CHEK2: variants seen among roughly 807,000 people sequenced by gnomAD.
The protein encoded by CHEK2 is serine/threonine-protein kinase Chk2.
In CHEK2, 71 loss-of-function variants were observed where a neutral mutation model predicts 69.1. That is an observed-to-expected ratio of 1.03 (90% CI 0.85 to 1.25). The LOEUF is 1.25. Among genes scored for constraint, CHEK2 ranks in the 50% most tolerant of loss-of-function variants. The pLI, the probability that CHEK2 is intolerant of heterozygous loss-of-function variation, is 0.00. For synonymous variants in CHEK2, 189 were observed against 226.9 expected (o/e 0.83, Z 1.50); for missense variants, 664 against 649.6 (o/e 1.02, Z -0.24).
chr22:28,712,065 G>A, intron 5 of CHEK2, 48 bp from the exon 6 acceptor site: 1 of 1,295,500 alleles, frequency 7.7e-7, no homozygotes, highest in Non-Finnish European at 1.1e-6. Flanking sequence ...TTTTAATTAT[G>A]AGACCTACCA....
intron 4 of CHEK2, among the ~76,000 whole-genome samples, chr22:28,722,030 T>G (rs1243712608): frequency 1.3e-5 from 2 of 152,080 alleles, no homozygotes; most frequent in Non-Finnish European, 2.9e-5. Context: ...CACGCCAGCC[T>G]ATAATTTTTA....
rs2054329987 is a variant in CHEK2 at position 28,734,613 on chromosome 22, C to A, written c.109G>T (p.Gly37Cys). ...GTGCTGGTAGAGGAGCTGGATATGC[C>A]CTGGGACTGTGAGGAGGAGCCTTGG... Reference protein sequence around the residue: ...QSQGSSSQSQGISSSSTSTMP... With the variant: ...QSQGSSSQSQCISSSSTSTMP... The change falls in exon 2 of 15, where the codon GGC becomes TGC. Residue 37 changes from glycine (G) to cysteine (C), a missense_variant. Gly to Cys is a radical substitution (Grantham distance 159). Transcript: ENST00000404276. The A allele has an allele frequency of 1.2e-6, 2 of 1,613,570 alleles. No homozygotes were observed.
chr22:28,699,373 T>C (rs2052729087), intron 9 of CHEK2, among the ~76,000 whole-genome samples: 2 of 140,946 alleles, frequency 1.4e-5, no homozygotes, highest in South Asian at 4.9e-4. Flanking sequence ...TTTTTTTTTT[T>C]TTTTTTTTTT....
chr22:28,717,265 C>G (rs763099203), intron 5 of CHEK2, among the ~76,000 whole-genome samples: 35 of 152,140 alleles, frequency 2.3e-4, no homozygotes, highest in African/African-American at 7.0e-4. Flanking sequence ...GTAGTCCCAG[C>G]TACTTGGGTG....
intron 7 of CHEK2, among the ~76,000 whole-genome samples, chr22:28,707,363 A>G (rs1188341823): frequency 6.6e-6 from 1 of 152,192 alleles, no homozygotes; most frequent in African/African-American, 2.4e-5. Context: ...TCTTCATTGT[A>G]CAGCTGAGGA....
intron 12 of CHEK2, among the ~76,000 whole-genome samples, 157 bp from the exon 13 acceptor site, chr22:28,694,274 T>C (rs1450684372): frequency 1.3e-5 from 2 of 152,182 alleles, no homozygotes; most frequent in African/African-American, 2.4e-5. Context: ...TCACTCTCTG[T>C]ATTCAGAGTA....
chr22:28,739,940 C>T (rs369758096), intron 1 of CHEK2, among the ~76,000 whole-genome samples: 31 of 152,092 alleles, frequency 2.0e-4, no homozygotes, highest in African/African-American at 5.5e-4. Flanking sequence ...CAGTGGCTCA[C>T]GCCTGTAATC....
intron 4 of CHEK2, 29 bp from the exon 5 acceptor site, chr22:28,719,514 T>G: frequency 7.6e-7 from 1 of 1,324,450 alleles, no homozygotes; most frequent in Non-Finnish European, 1.1e-6. Flanking sequence ...GAAATGGGTT[T>G]CATTAATTTA....
In CHEK2 at chr22:28,699,158, C is replaced by T. The variant is rs17884471; in HGVS notation, c.1008+680G>A. ...TGGCTAAGACCACAGGTGCCCGCCA[C>T]CATGCCTGGCTATTTTTATTTTTTG... On this transcript the variant is annotated intron_variant, in intron 9 of 14. Transcript: ENST00000404276. Among the ~76,000 whole-genome samples, 1,206 of 152,158 alleles carry T rather than the reference C, an allele frequency of 7.9e-3. 6 individuals are homozygous for T. The highest frequency in any genetic ancestry group is 0.011 in the Non-Finnish European group (765 of 67,988).
intron 8 of CHEK2, among the ~76,000 whole-genome samples, chr22:28,701,789 A>G (rs962959540): frequency 3.3e-5 from 5 of 152,212 alleles, no homozygotes; most frequent in Non-Finnish European, 7.3e-5. Flanking sequence ...GGACCCGCAT[A>G]GAAAGTCCTA....
At chr22:28,709,497 G>A (rs1763478372) in intron 7 of CHEK2, among the ~76,000 whole-genome samples, 1 of 152,142 alleles carries the variant, frequency 6.6e-6, no homozygotes, top group African/African-American at 2.4e-5. Context: ...ATACGGTATT[G>A]TTCACTCAGT....
intron 7 of CHEK2, among the ~76,000 whole-genome samples, chr22:28,708,351 G>C (rs2053236729): frequency 1.7e-5 from 2 of 119,128 alleles, no homozygotes; most frequent in South Asian, 5.7e-4. Context: ...GAGACAGACT[G>C]TCTCTAAAAA....
chr22:28,712,849 G>A (rs1278830896), intron 5 of CHEK2, among the ~76,000 whole-genome samples: 1 of 152,134 alleles, frequency 6.6e-6, no homozygotes, highest in African/African-American at 2.4e-5. Flanking sequence ...ATTTTAAAGT[G>A]TACAATTCAG....
chr22:28,727,232 G>A (rs1395024368), intron 2 of CHEK2, among the ~76,000 whole-genome samples: 4 of 152,068 alleles, frequency 2.6e-5, no homozygotes, highest in South Asian at 2.1e-4. Context: ...TAGTAGAGAC[G>A]GGGTTTCGCC....
rs587782460 is a variant in CHEK2, at chr22:28,703,509, C to T, written c.904G>A (p.Glu302Lys). 1.3e-5 allele frequency: 19 copies of T among 1,450,374 alleles called. No individual in the cohort carries two copies. Among genetic ancestry groups the T allele is most frequent in the Admixed American group, 5.5e-5 (3 of 54,798 alleles). 89.8% of individuals were successfully genotyped at this position (1,450,374 alleles called of 1,614,324 possible). A position where few individuals can be genotyped will look rare whatever the true frequency, so the allele number is the denominator to read the frequency against. ...TTTAAAAAGTTTACTACTTACAATT[C>T]CAAAACAATATAATAATCTTCTGCA... is the stretch of plus-strand genomic sequence containing the variant. ...FDAEDYYIVL[E>K]LMEGGELFDK... Residue 302 changes from glutamate to lysine, a missense_variant, in exon 8 of 15, where the codon GAA (glutamate) becomes AAA (lysine). Glu to Lys is a moderately conservative substitution (Grantham distance 56, BLOSUM62 1). Transcript: ENST00000404276.
chr22:28,712,614 A>G (rs2053444305), intron 5 of CHEK2, among the ~76,000 whole-genome samples: 1 of 152,194 alleles, frequency 6.6e-6, no homozygotes, highest in African/African-American at 2.4e-5. Context: ...CTCATGGAGG[A>G]GGAATGCTCT....
chr22:28,700,036 A>AC, intron 8 of CHEK2, 99 bp from the exon 9 acceptor site: 2 of 772,096 alleles, frequency 2.6e-6, no homozygotes, highest in Non-Finnish European at 4.4e-6. Context: ...AGACAAGCAA[A>AC]CAGTTGACAT....
intron 1 of CHEK2, 87 bp from the exon 2 acceptor site, chr22:28,734,814 G>T: frequency 1.1e-6 from 1 of 918,466 alleles, no homozygotes; most frequent in Non-Finnish European, 1.6e-6. Flanking sequence ...TATTACAACA[G>T]CAAAAGAAAA....
chr22:28,731,725 C>T (rs1466809658), intron 2 of CHEK2, among the ~76,000 whole-genome samples: 3 of 151,976 alleles, frequency 2.0e-5, no homozygotes, highest in South Asian at 2.1e-4. Flanking sequence ...AATGGGGTCT[C>T]GCTATATTGC....
Sources: allele counts gnomAD v4.1 joint callset (sites outside exome capture counted in the v4.1 genomes callset), GRCh38; gene constraint gnomAD v4.1.1; transcripts MANE v1.5; gene names NCBI Gene and HGNC (gene_info 2026-07-23, HGNC 2026-07-21).